Variants in LIX1 observed in about 807,000 individuals in gnomAD.
LIX1 encodes protein limb expression 1 homolog.
Under a neutral mutation model 33.4 loss-of-function variants are expected in LIX1, and 24 were observed. The ratio of observed to expected loss-of-function variants is 0.72; its 90% CI spans 0.52 to 1.01. The LOEUF (loss-of-function observed/expected upper bound fraction) is 1.01, where lower values mean the gene tolerates loss of function less well. Ranked by LOEUF, LIX1 falls within the 50% of genes least tolerant of loss-of-function variation. LIX1 has a pLI of 0.00. For synonymous variants in LIX1, 124 were observed against 124.0 expected (o/e 1.00, Z 0.00); for missense variants, 311 against 339.2 (o/e 0.92, Z 0.65).
At chr5:97,126,851 G>A (rs1241539687) in intron 1 of LIX1, among the ~76,000 whole-genome samples, 2 of 151,952 alleles carry the variant, frequency 1.3e-5, no homozygotes, top group Non-Finnish European at 2.9e-5. Flanking sequence ...TGTTAGCCAG[G>A]ATGGTCTTGA....
chr5:97,122,048 G>A (rs906117886), intron 2 of LIX1, among the ~76,000 whole-genome samples: 1 of 152,112 alleles, frequency 6.6e-6, no homozygotes, highest in African/African-American at 2.4e-5. Flanking sequence ...TGTCTTTGGT[G>A]TCCACGGTTA....
chr5:97,138,556 G>A lies in LIX1; in HGVS notation c.82+3939C>T, dbSNP rs556293288. 2.7e-4 allele frequency among the ~76,000 whole-genome samples: 41 copies of A among 152,236 alleles called. 1 individual carries two copies. The highest frequency in any genetic ancestry group is 3.4e-3 in the Middle Eastern group (1 of 294). On this transcript the variant is annotated intron_variant, in intron 1 of 5. Transcript: ENST00000274382. ...TTAACTCCAATGGCTCCCTATTGCC[G>A]GCATGTCAGCATGACCCAACCTGCC...
At chr5:97,129,527 T>C (rs767666668) in intron 1 of LIX1, among the ~76,000 whole-genome samples, 16 of 152,000 alleles carry the variant, frequency 1.1e-4, no homozygotes, top group Non-Finnish European at 1.6e-4. Flanking sequence ...CCCCTTGAAA[T>C]AGGTATTATC....
intron 2 of LIX1, among the ~76,000 whole-genome samples, chr5:97,122,363 A>C (rs1038675952): frequency 3.9e-5 from 6 of 152,138 alleles, no homozygotes; most frequent in African/African-American, 1.4e-4. Flanking sequence ...TGCCCCTAAT[A>C]ATTTGATTCT....
At chr5:97,139,619 G>A (rs1748243236) in intron 1 of LIX1, among the ~76,000 whole-genome samples, 1 of 152,248 alleles carries the variant, frequency 6.6e-6, no homozygotes. Context: ...ATACTTTGCA[G>A]AGATTCTGCC....
chr5:97,116,757 G>C (rs1747647278), intron 2 of LIX1, among the ~76,000 whole-genome samples: 1 of 151,858 alleles, frequency 6.6e-6, no homozygotes, highest in South Asian at 2.1e-4. Context: ...TCAAGATTTG[G>C]GTTTATTTTT....
chr5:97,102,703 CA>C (rs1746774623), intron 4 of LIX1, among the ~76,000 whole-genome samples: 2 of 151,638 alleles, frequency 1.3e-5, no homozygotes, highest in African/African-American at 4.8e-5. Context: ...TAGAGCCTTT[CA>C]TAGTACTTGG....
chr5:97,121,295 A>G (rs758423084), intron 2 of LIX1, among the ~76,000 whole-genome samples: 1 of 152,136 alleles, frequency 6.6e-6, no homozygotes. Context: ...TGCTTGGAAT[A>G]TGTTGGGCCA....
At chr5:97,115,039 T>A (rs989547989) in intron 2 of LIX1, among the ~76,000 whole-genome samples, 2 of 152,212 alleles carry the variant, frequency 1.3e-5, no homozygotes, top group African/African-American at 4.8e-5. Flanking sequence ...AGGAAGTACA[T>A]AGCACTACTG....
At chr5:97,114,247 C>T (rs1484075936) in intron 2 of LIX1, among the ~76,000 whole-genome samples, 1 of 152,104 alleles carries the variant, frequency 6.6e-6, no homozygotes, top group Non-Finnish European at 1.5e-5. Context: ...ATCTGTAAAC[C>T]CAGCACTTTG....
At chr5:97,126,348 A>C (rs1747920618) in intron 1 of LIX1, among the ~76,000 whole-genome samples, 1 of 152,186 alleles carries the variant, frequency 6.6e-6, no homozygotes, top group South Asian at 2.1e-4. Flanking sequence ...CTAAATGTTT[A>C]CTAGAGCACT....
At chr5:97,096,702 C>T in intron 5 of LIX1, 108 bp downstream of exon 5, 1 of 789,238 alleles carries the variant, frequency 1.3e-6, no homozygotes, top group Non-Finnish European at 2.1e-6. Context: ...AAATAAGGTA[C>T]CAAATTTATA....
intron 2 of LIX1, among the ~76,000 whole-genome samples, chr5:97,121,225 A>G (rs1362372661): frequency 6.6e-6 from 1 of 152,214 alleles, no homozygotes; most frequent in Admixed American, 6.5e-5. Flanking sequence ...ACCTTTAAGC[A>G]GAATGCTGTC....
chr5:97,139,205 C>T (rs1163686221), intron 1 of LIX1, among the ~76,000 whole-genome samples: 4 of 152,154 alleles, frequency 2.6e-5, no homozygotes, highest in Admixed American at 2.0e-4. Flanking sequence ...TCACCTCTAA[C>T]AACAATTGTA....
At chr5:97,114,492 G>T (rs930380053) in intron 2 of LIX1, among the ~76,000 whole-genome samples, 4 of 152,168 alleles carry the variant, frequency 2.6e-5, no homozygotes, top group Non-Finnish European at 5.9e-5. Flanking sequence ...ACACTATAAA[G>T]ATTGCTGCCA....
At position 97,130,167 on chromosome 5, in the gene LIX1, C is replaced by A. The variant is rs190264307; in HGVS notation, c.83-5538G>T. Among the ~76,000 whole-genome samples the A allele has an allele frequency of 3.4e-3, 518 of 152,248 alleles. 12 individuals are homozygous for A. The highest frequency in any genetic ancestry group is 0.03 in the Admixed American group (452 of 15,292). On this transcript the variant is annotated intron_variant, in intron 1 of 5. Transcript: ENST00000274382. Reference sequence around the variant, plus strand: ...CATTCCAGCCCTTTCTTTCAAAGAACAAAGGAGGGACCTCAAGAGAAATAA... The same window carrying A: ...CATTCCAGCCCTTTCTTTCAAAGAAAAAAGGAGGGACCTCAAGAGAAATAA...
intron 2 of LIX1, among the ~76,000 whole-genome samples, chr5:97,112,799 A>T (rs1300184429): frequency 1.7e-5 from 1 of 58,604 alleles, no homozygotes; most frequent in Non-Finnish European, 2.8e-5. Flanking sequence ...AAATTAAAGT[A>T]AAAAAAAAAA....
In LIX1 at chr5:97,107,416, T is replaced by C. The variant is rs1406932817; in HGVS notation, c.331A>G (p.Arg111Gly). 1 of 1,612,940 alleles carries C rather than the reference T, an allele frequency of 6.2e-7. No homozygotes were observed. Among genetic ancestry groups the C allele is most frequent in the Non-Finnish European group, 8.5e-7 (1 of 1,179,994 alleles). Residue 111 changes from arginine to glycine, a missense_variant, in exon 3 of 6, where the codon AGG (arginine) becomes GGG (glycine). Coordinates refer to ENST00000274382, the MANE Select transcript of LIX1 (RefSeq NM_153234.5). ...NSLFNELPSR[R>G]ITKEFIMESV... is the part of the protein sequence containing the mutation. ...TCCATAATGAATTCCTTGGTGATCCTGCGAGAGGGCAGCTCATTGAAGAGG... is the reference window on the plus strand; with the variant it reads ...TCCATAATGAATTCCTTGGTGATCCCGCGAGAGGGCAGCTCATTGAAGAGG...
chr5:97,095,698 G>C (rs1029934902), intron 5 of LIX1, among the ~76,000 whole-genome samples: 1 of 152,134 alleles, frequency 6.6e-6, no homozygotes, highest in Non-Finnish European at 1.5e-5. Flanking sequence ...TTAAAAATTA[G>C]TTACTGCCTG....
Sources: allele counts gnomAD v4.1 joint callset (sites outside exome capture counted in the v4.1 genomes callset), GRCh38; gene constraint gnomAD v4.1.1; transcripts MANE v1.5; gene names NCBI Gene and HGNC (gene_info 2026-07-23, HGNC 2026-07-21).